Variants in KCNH1 observed in about 807,000 individuals in gnomAD.
KCNH1 encodes voltage-gated delayed rectifier potassium channel KCNH1.
Under a neutral mutation model 69.2 loss-of-function variants are expected in KCNH1, and 27 were observed. That is an observed-to-expected ratio of 0.39 (90% confidence interval 0.29 to 0.54). KCNH1 has a LOEUF of 0.54. KCNH1 is among the 20% of genes least tolerant of loss of function. The pLI is 0.68. For synonymous variants in KCNH1, 456 were observed against 487.7 expected (o/e 0.93, Z 0.86); for missense variants, 798 against 1,261.6 (o/e 0.63, Z 5.57).
intron 10 of KCNH1, among the ~76,000 whole-genome samples, chr1:210,757,644 C>A (rs1226815119): frequency 4.6e-5 from 7 of 152,352 alleles, no homozygotes; most frequent in Middle Eastern, 3.4e-3. Context: ...CAAACTACAG[C>A]TCTGAATATT....
chr1:211,010,568 C>G (rs1033242586), intron 6 of KCNH1, among the ~76,000 whole-genome samples: 1 of 152,080 alleles, frequency 6.6e-6, no homozygotes, highest in Admixed American at 6.5e-5. Context: ...ATGTTCTTTC[C>G]TCTCCCAGAA....
chr1:210,824,034 C>G (rs1045995602), intron 7 of KCNH1, among the ~76,000 whole-genome samples: 5 of 152,102 alleles, frequency 3.3e-5, no homozygotes, highest in Non-Finnish European at 5.9e-5. Context: ...CTCCTGGCCT[C>G]AAGCAATCCT....
intron 7 of KCNH1, among the ~76,000 whole-genome samples, chr1:210,881,951 AAT>A (rs1000513832): frequency 2.0e-5 from 3 of 152,194 alleles, no homozygotes; most frequent in Non-Finnish European, 4.4e-5. Context: ...TGTAATAGTG[AAT>A]ATGTGTCATT....
chr1:210,930,520 T>C (rs576262807), intron 6 of KCNH1, among the ~76,000 whole-genome samples: 1 of 152,244 alleles, frequency 6.6e-6, no homozygotes, highest in Non-Finnish European at 1.5e-5. Context: ...TCTCACCTTA[T>C]ACAAAAATCA....
intron 7 of KCNH1, among the ~76,000 whole-genome samples, chr1:210,810,213 TTCTC>T (rs1236854920): frequency 6.6e-6 from 1 of 152,112 alleles, no homozygotes; most frequent in Non-Finnish European, 1.5e-5. Context: ...TGGAAATCAT[TTCTC>T]TCTGGATTTT....
intron 7 of KCNH1, among the ~76,000 whole-genome samples, chr1:210,810,461 T>C (rs1195521007): frequency 1.3e-5 from 2 of 152,184 alleles, no homozygotes; most frequent in Admixed American, 6.5e-5. Context: ...ATTATTTCTT[T>C]GATAATTTCT....
chr1:211,018,641 A>G, intron 6 of KCNH1, 142 bp downstream of exon 6: 3 of 706,234 alleles, frequency 4.2e-6, no homozygotes, highest in South Asian at 1.9e-5. Flanking sequence ...ACAGCAGGCA[A>G]GGGTATCTAT....
At chr1:210,864,012 G>A (rs1004966722) in intron 7 of KCNH1, among the ~76,000 whole-genome samples, 1 of 152,228 alleles carries the variant, frequency 6.6e-6, no homozygotes, top group Non-Finnish European at 1.5e-5. Context: ...GGTGCCAACT[G>A]GATCAGTGCA....
chr1:210,974,816 C>T (rs1558548912), intron 6 of KCNH1, among the ~76,000 whole-genome samples: 2 of 152,000 alleles, frequency 1.3e-5, no homozygotes, highest in Non-Finnish European at 2.9e-5. Context: ...CCCACCTTGG[C>T]CTCCCAAAGT....
At chr1:210,903,523 T>A (rs1687038127) in intron 7 of KCNH1, among the ~76,000 whole-genome samples, 1 of 152,122 alleles carries the variant, frequency 6.6e-6, no homozygotes, top group Non-Finnish European at 1.5e-5. Context: ...AATAGCAAAA[T>A]TTTTTTCATG....
intron 10 of KCNH1, among the ~76,000 whole-genome samples, chr1:210,685,854 G>A (rs1388183858): frequency 6.6e-6 from 1 of 152,212 alleles, no homozygotes; most frequent in Non-Finnish European, 1.5e-5. Context: ...CAAATAAACG[G>A]TTAATTGCTT....
intron 10 of KCNH1, among the ~76,000 whole-genome samples, chr1:210,734,435 C>T (rs1035083290): frequency 3.9e-5 from 6 of 152,154 alleles, no homozygotes; most frequent in Non-Finnish European, 5.9e-5. Flanking sequence ...AATAGAGGCC[C>T]AGCTCAGGGC....
chr1:210,794,586 T>C (rs541140218), intron 9 of KCNH1, among the ~76,000 whole-genome samples: 5 of 152,308 alleles, frequency 3.3e-5, no homozygotes, highest in African/African-American at 1.2e-4. Context: ...GAGAAGGGGC[T>C]AGGAAGCTGT....
At chr1:211,046,060 C>T (rs1236295991) in intron 5 of KCNH1, among the ~76,000 whole-genome samples, 3 of 152,146 alleles carry the variant, frequency 2.0e-5, no homozygotes, top group Non-Finnish European at 4.4e-5. Flanking sequence ...GTTATACACC[C>T]TATTTCTTTA....
intron 6 of KCNH1, among the ~76,000 whole-genome samples, chr1:210,976,348 C>T (rs577776874): frequency 1.4e-5 from 2 of 145,670 alleles, no homozygotes; most frequent in South Asian, 2.2e-4. Context: ...TTGGAACCAA[C>T]CCAAATGTCC....
chr1:211,019,567 C>T (rs1251774981), intron 5 of KCNH1, among the ~76,000 whole-genome samples: 2 of 152,150 alleles, frequency 1.3e-5, no homozygotes, highest in African/African-American at 4.8e-5. Context: ...ATTATTGGCT[C>T]AATTCTAAAT....
At chr1:210,837,862 G>C (rs1320539265) in intron 7 of KCNH1, among the ~76,000 whole-genome samples, 1 of 152,162 alleles carries the variant, frequency 6.6e-6, no homozygotes, top group Admixed American at 6.6e-5. Flanking sequence ...AAAAGTGTCT[G>C]CCACACTGCA....
chr1:211,070,592 G>T (rs1275198975), intron 5 of KCNH1, among the ~76,000 whole-genome samples: 1 of 151,966 alleles, frequency 6.6e-6, no homozygotes, highest in Non-Finnish European at 1.5e-5. Flanking sequence ...GGGAGGCCAA[G>T]GCAGGCAGAT....
chr1:211,056,474 G>C (rs1690307151), intron 5 of KCNH1, among the ~76,000 whole-genome samples: 1 of 152,014 alleles, frequency 6.6e-6, no homozygotes, highest in Non-Finnish European at 1.5e-5. Context: ...TCACTGCCCT[G>C]AAGAGAAGGA....
Sources: allele counts gnomAD v4.1 joint callset (sites outside exome capture counted in the v4.1 genomes callset), GRCh38; gene constraint gnomAD v4.1.1; transcripts MANE v1.5; gene names NCBI Gene and HGNC (gene_info 2026-07-23, HGNC 2026-07-21).